Variants in AATF observed in about 807,000 individuals in gnomAD.
AATF encodes protein AATF.
A neutral mutation model predicts 63.7 loss-of-function variants in AATF; 48 were observed. The ratio of observed to expected loss-of-function variants is 0.75; its 90% CI spans 0.60 to 0.96. The LOEUF (loss-of-function observed/expected upper bound fraction) is 0.96. AATF is among the 40% of genes least tolerant of loss of function. AATF has a pLI of 0.00. For missense variants in AATF, 639 were observed against 685.7 expected, an observed-to-expected ratio of 0.93 and a Z score of 0.76; for synonymous variants, 258 against 247.7, an observed-to-expected ratio of 1.04 and a Z score of -0.39.
chr17:36,954,037 TCC>T, intron 4 of AATF, 130 bp downstream of exon 4: 1 of 555,488 alleles, frequency 1.8e-6, no homozygotes, highest in Non-Finnish European at 2.9e-6. Context: ...TGCTCTCCCC[TCC>T]CCATCCCCCT....
At chr17:36,972,650 C>CT (rs1444939343) in intron 4 of AATF, among the ~76,000 whole-genome samples, 6 of 149,586 alleles carry the variant, frequency 4.0e-5, no homozygotes, top group Non-Finnish European at 5.9e-5. Flanking sequence ...AAAGCAGTGT[C>CT]TGTAAGCTTC....
intron 8 of AATF, among the ~76,000 whole-genome samples, chr17:37,014,344 G>A (rs774144780): frequency 6.6e-6 from 1 of 151,826 alleles, no homozygotes; most frequent in Non-Finnish European, 1.5e-5. Context: ...ATTTTCCATA[G>A]AATTTTGAAG....
rs999448953 is a variant in AATF, at chr17:37,056,668, C to T, written c.*4C>T. Reference sequence around the variant, plus strand: ...CGACGAAGGCCACGGGGATTGACATCGCCCACCTCCGACACCCAGTGGGCG... The same window carrying T: ...CGACGAAGGCCACGGGGATTGACATTGCCCACCTCCGACACCCAGTGGGCG... On this transcript the variant is annotated 3_prime_UTR_variant, in exon 12 of 12. Transcript: ENST00000619387. 15 of 1,614,030 alleles carry T rather than the reference C, an allele frequency of 9.3e-6. No individual in the cohort carries two copies. Among genetic ancestry groups the T allele is most frequent in the South Asian group, 2.2e-5 (2 of 91,080 alleles).
chr17:36,996,970 G>C (rs2071259486), intron 8 of AATF, among the ~76,000 whole-genome samples: 1 of 152,226 alleles, frequency 6.6e-6, no homozygotes, highest in Admixed American at 6.5e-5. Context: ...CTGGGAAAGA[G>C]ATAAGAATTG....
At chr17:37,010,166 G>A (rs980591634) in intron 8 of AATF, among the ~76,000 whole-genome samples, 1 of 151,742 alleles carries the variant, frequency 6.6e-6, no homozygotes, top group African/African-American at 2.4e-5. Context: ...AGAAATAATT[G>A]TTTTCTGGCC....
At chr17:36,986,481 T>C (rs889344736) in intron 4 of AATF, 136 bp from the exon 5 acceptor site, 26 of 658,484 alleles carry the variant, frequency 3.9e-5, no homozygotes, top group Non-Finnish European at 6.3e-5. Context: ...AGAGAGTATT[T>C]AGTTCCTGTG....
At chr17:36,980,777 T>C (rs1025104551) in intron 4 of AATF, among the ~76,000 whole-genome samples, 1 of 152,202 alleles carries the variant, frequency 6.6e-6, no homozygotes, top group Non-Finnish European at 1.5e-5. Context: ...GTCTCAGATT[T>C]TACATGCCAT....
intron 4 of AATF, among the ~76,000 whole-genome samples, chr17:36,985,541 T>G (rs373919485): frequency 6.7e-6 from 1 of 148,776 alleles, no homozygotes; most frequent in African/African-American, 2.5e-5. Flanking sequence ...CGAGGACCAG[T>G]TTTTTTTGTT....
At position 37,020,923 on chromosome 17, in the gene AATF, GA is replaced by G. The variant is rs2071464513; in HGVS notation, c.1467-9del. 1.2e-6 allele frequency: 2 copies of G among 1,607,994 alleles called. No individual in the cohort carries two copies. The highest frequency in any genetic ancestry group is 1.7e-6 in the Non-Finnish European group (2 of 1,177,098). ...AGTGATGATGCATAACATTGCTTGT[GA>G]ATTTTCCAGGCAGTGGCTTGCAATC... On this transcript the variant is annotated splice_polypyrimidine_tract_variant and intron_variant, in intron 9 of 11. Coordinates refer to ENST00000619387, the MANE Select transcript of AATF (RefSeq NM_012138.4).
At chr17:36,962,814 G>A (rs1487685728) in intron 4 of AATF, among the ~76,000 whole-genome samples, 1 of 152,012 alleles carries the variant, frequency 6.6e-6, no homozygotes, top group East Asian at 1.9e-4. Context: ...AACTATATGT[G>A]CCTGGCCAAA....
At chr17:37,051,177 G>T (rs1218613734) in intron 11 of AATF, 1 of 152,242 alleles carries the variant, frequency 6.6e-6, no homozygotes, top group African/African-American at 2.4e-5. Context: ...TTGGGAGGCT[G>T]CACAGGCTTT....
At chr17:36,958,424 C>CA (rs1343440280) in intron 4 of AATF, among the ~76,000 whole-genome samples, 3 of 152,178 alleles carry the variant, frequency 2.0e-5, no homozygotes, top group African/African-American at 7.2e-5. Context: ...CTTGGCCTCT[C>CA]AAAGTGCTGG....
At chr17:36,958,430 G>C (rs1032573394) in intron 4 of AATF, among the ~76,000 whole-genome samples, 4 of 152,092 alleles carry the variant, frequency 2.6e-5, no homozygotes, top group Non-Finnish European at 5.9e-5. Context: ...CTCTCAAAGT[G>C]CTGGGCTTAC....
intron 11 of AATF, chr17:37,055,067 T>C (rs1322169505): frequency 1.3e-5 from 2 of 152,270 alleles, no homozygotes; most frequent in Non-Finnish European, 2.9e-5. Flanking sequence ...TTGAGGCTAG[T>C]CACATGGATG....
intron 8 of AATF, among the ~76,000 whole-genome samples, chr17:36,998,255 A>G (rs979895336): frequency 6.6e-6 from 1 of 152,226 alleles, no homozygotes; most frequent in Non-Finnish European, 1.5e-5. Flanking sequence ...GTTGATCTAG[A>G]TAAAAACATA....
chr17:37,030,582 A>AT (rs917616052), intron 10 of AATF, among the ~76,000 whole-genome samples: 8 of 151,608 alleles, frequency 5.3e-5, no homozygotes, highest in Non-Finnish European at 1.0e-4. Context: ...CATACAAAAT[A>AT]TTTTTTTTTC....
intron 4 of AATF, among the ~76,000 whole-genome samples, chr17:36,960,328 T>C (rs2070937174): frequency 6.6e-6 from 1 of 152,212 alleles, no homozygotes; most frequent in African/African-American, 2.4e-5. Context: ...AAATTTTTAA[T>C]GGTAATTTGT....
chr17:36,974,343 G>A (rs978660765), intron 4 of AATF, among the ~76,000 whole-genome samples: 2 of 152,060 alleles, frequency 1.3e-5, no homozygotes, highest in African/African-American at 4.8e-5. Context: ...TTTAATGATA[G>A]CATAGAGTTT....
chr17:37,051,724 A>G (rs935108507), intron 11 of AATF, among the ~76,000 whole-genome samples: 1 of 151,486 alleles, frequency 6.6e-6, no homozygotes, highest in Non-Finnish European at 1.5e-5. Flanking sequence ...ACACACACAC[A>G]CACACGCACA....
Sources: allele counts gnomAD v4.1 joint callset (sites outside exome capture counted in the v4.1 genomes callset), GRCh38; gene constraint gnomAD v4.1.1; transcripts MANE v1.5; gene names NCBI Gene and HGNC (gene_info 2026-07-23, HGNC 2026-07-21).